The following FBLN1 variants were observed in gnomAD, a reference collection of about 807,000 sequenced individuals.
FBLN1 encodes fibulin 1.
Under a neutral mutation model 89.7 loss-of-function variants are expected in FBLN1, and 34 were observed. The ratio of observed to expected loss-of-function variants is 0.38; its 90% CI spans 0.29 to 0.50. The LOEUF is 0.50. FBLN1 is among the 20% of genes least tolerant of loss of function. FBLN1 has a pLI of 0.92. For missense variants in FBLN1, 777 were observed against 988.1 expected (o/e 0.79, Z 2.86); for synonymous variants, 393 against 391.3 (o/e 1.00, Z -0.05).
Position 45,562,895 on chromosome 22 carries a change from G to A in FBLN1, c.1698-11616G>A. 3 of 1,612,010 alleles carry A rather than the reference G, an allele frequency of 1.9e-6. No individual in the cohort carries two copies. Among genetic ancestry groups the A allele is most frequent in the Non-Finnish European group, 2.5e-6 (3 of 1,179,508 alleles). Reference sequence around the variant, plus strand: ...GCCCTAACCCTCTTCTTGTCTCTCTGCCCACTTTTCTTGCAGCCGCTGTGA... The same window carrying A: ...GCCCTAACCCTCTTCTTGTCTCTCTACCCACTTTTCTTGCAGCCGCTGTGA... On this transcript the variant is annotated intron_variant, in intron 14 of 16. Coordinates refer to ENST00000327858, the MANE Select transcript of FBLN1 (RefSeq NM_006486.3). This position sits in a 1 kb window ranked among gnomAD's most constrained non-coding sequence, Gnocchi z 7.8.
rs6006766 is a variant in FBLN1, at chr22:45,530,478, T to G, written c.485-787T>G. Among the ~76,000 whole-genome samples the G allele has an allele frequency of 0.026, 3,893 of 152,192 alleles. 153 individuals are homozygous for G. Among genetic ancestry groups the G allele is most frequent in the African/African-American group, 0.089 (3,683 of 41,496 alleles). The stretch of plus-strand genomic sequence containing the variant: ...CCAGTGCCATGGACCCACTGTATGT[T>G]TCCTGGGGGCCATGCAGAAGGTCCC... On this transcript the variant is annotated intron_variant, in intron 4 of 16. Transcript: ENST00000327858. This position sits in a 1 kb window ranked among gnomAD's most constrained non-coding sequence, Gnocchi z 5.4.
In FBLN1 at chr22:45,510,345, G is replaced by T. The variant is rs73445409; in HGVS notation, c.79+7281G>T. Among the ~76,000 whole-genome samples the T allele has an allele frequency of 2.2e-3, 338 of 152,276 alleles. 5 individuals carry two copies. The highest frequency in any genetic ancestry group is 7.6e-3 in the African/African-American group (318 of 41,570). On this transcript the variant is annotated intron_variant, in intron 1 of 16. Coordinates refer to ENST00000327858, the MANE Select transcript of FBLN1 (RefSeq NM_006486.3). Reference sequence around the variant, plus strand: ...CCAGTGGAAATTTTGCCAGAGCAATGCCCTTACACAGGGTGGGATTGGGGA... The same window carrying T: ...CCAGTGGAAATTTTGCCAGAGCAATTCCCTTACACAGGGTGGGATTGGGGA...
intron 16 of FBLN1, among the ~76,000 whole-genome samples, chr22:45,589,975 G>T (rs749109439): frequency 1.3e-5 from 2 of 152,214 alleles, no homozygotes; most frequent in Non-Finnish European, 2.9e-5. Context: ...TCCCAAAGGA[G>T]ATTTGCTTAC....
At chr22:45,511,649 G>T (rs966787720) in intron 1 of FBLN1, among the ~76,000 whole-genome samples, 4 of 152,026 alleles carry the variant, frequency 2.6e-5, no homozygotes, top group African/African-American at 9.7e-5. Context: ...GTTTTACCAT[G>T]TTGGCCAGGC....
chr22:45,577,198 C>T lies in FBLN1; in HGVS notation c.1972+90C>T. 2 of 1,456,312 alleles carry T rather than the reference C, an allele frequency of 1.4e-6. No homozygotes were observed. The highest frequency in any genetic ancestry group is 1.9e-6 in the Non-Finnish European group (2 of 1,052,136). 90.2% of individuals were successfully genotyped at this position (1,456,312 alleles called of 1,614,324 possible). A position where few individuals can be genotyped will look rare whatever the true frequency, so the allele number is the denominator to read the frequency against. ...GGCCCAGCCCAACTCCCATCTGAGT[C>T]CCCTCCCCAAATTCAAGCCCACCCA... On this transcript the variant is annotated intron_variant, in intron 16 of 16. Coordinates refer to ENST00000327858, the MANE Select transcript of FBLN1 (RefSeq NM_006486.3). The surrounding 1 kb of genome is among the most constrained non-coding windows in gnomAD (Gnocchi z 6.6).
chr22:45,584,196 G>A (rs147857750), intron 16 of FBLN1, among the ~76,000 whole-genome samples: 5 of 152,242 alleles, frequency 3.3e-5, no homozygotes, highest in South Asian at 2.1e-4. Context: ...ATGAGAAGCC[G>A]GCACAACACC....
chr22:45,531,583 A>C lies in FBLN1; in HGVS notation c.544+259A>C, dbSNP rs6006769. On this transcript the variant is annotated intron_variant, in intron 5 of 16. Transcript: ENST00000327858. The surrounding 1 kb of genome is among the most constrained non-coding windows in gnomAD (Gnocchi z 4.9). ...GAATCTCGGTGCTGATCTCACTGGA[A>C]GTTGGAATCCAGGTTTTGCTTTGGT... 0.095 allele frequency among the ~76,000 whole-genome samples: 14,515 copies of C among 152,268 alleles called. 2,311 individuals carry two copies. Among genetic ancestry groups the C allele is most frequent in the African/African-American group, 0.33 (13,660 of 41,510 alleles).
At chr22:45,585,959 C>A (rs1034044308) in intron 16 of FBLN1, among the ~76,000 whole-genome samples, 1 of 152,202 alleles carries the variant, frequency 6.6e-6, no homozygotes, top group Non-Finnish European at 1.5e-5. Flanking sequence ...AAGTCACCCC[C>A]GTCACAAAGC....
rs561856646 is a variant in FBLN1 at position 45,542,975 on chromosome 22, T to C, written c.1196-426T>C. The stretch of plus-strand genomic sequence containing the variant: ...CACTTTGCATTCCTTGTCTGAGAAA[T>C]GAGGCTGGAGGCCAGGCGCGATGGC... On this transcript the variant is annotated intron_variant, in intron 10 of 16. Transcript: ENST00000327858. Among the ~76,000 whole-genome samples, 28 of 152,268 alleles carry C rather than the reference T, an allele frequency of 1.8e-4. 1 individual carries two copies. The South Asian group carries it at 5.4e-3, about 29-fold the overall frequency.
Position 45,549,644 on chromosome 22 carries a change from C to A in FBLN1, c.1574-848C>A, listed in dbSNP as rs1272009760. ...CGCCCAGACTCAGCATAAACACATT[C>A]CTGAGCCGGGCCTTTGAGGCTGGGG... On this transcript the variant is annotated intron_variant, in intron 13 of 16. Transcript: ENST00000327858. This position sits in a 1 kb window ranked among gnomAD's most constrained non-coding sequence, Gnocchi z 5.7. Among the ~76,000 whole-genome samples the A allele has an allele frequency of 6.6e-6, 1 of 152,194 alleles. No homozygotes were observed. Among genetic ancestry groups the A allele is most frequent in the African/African-American group, 2.4e-5 (1 of 41,446 alleles).
rs557497014 is a variant in FBLN1, at chr22:45,549,881, C to T, written c.1574-611C>T. On this transcript the variant is annotated intron_variant, in intron 13 of 16. Transcript: ENST00000327858. This position sits in a 1 kb window ranked among gnomAD's most constrained non-coding sequence, Gnocchi z 5.7. The stretch of plus-strand genomic sequence containing the variant: ...GTGGTTCCAGTCCACCCTGAACAGC[C>T]ACCAACCCCAACACACAGGCAAGAC... Among the ~76,000 whole-genome samples the T allele has an allele frequency of 3.6e-4, 55 of 152,302 alleles. 1 individual carries two copies. Among genetic ancestry groups the T allele is most frequent in the African/African-American group, 1.3e-3 (55 of 41,584 alleles).
At chr22:45,538,288 C>A (rs2088508994) in intron 8 of FBLN1, among the ~76,000 whole-genome samples, 1 of 152,222 alleles carries the variant, frequency 6.6e-6, no homozygotes, top group Admixed American at 6.5e-5. Flanking sequence ...GCTCAGGAAT[C>A]ATTGTTTTAA....
intron 14 of FBLN1, among the ~76,000 whole-genome samples, chr22:45,568,988 C>G (rs1162925319): frequency 6.6e-6 from 1 of 152,316 alleles, no homozygotes; most frequent in Admixed American, 6.5e-5. Flanking sequence ...TTTGTCGTCA[C>G]ATAGCCCTCT....
chr22:45,567,499 T>G (rs2088909637), intron 14 of FBLN1, among the ~76,000 whole-genome samples: 1 of 152,088 alleles, frequency 6.6e-6, no homozygotes, highest in African/African-American at 2.4e-5. Context: ...ACCTGTAATC[T>G]CAGCTGCTCA....
chr22:45,594,280 G>A (rs1653541927), intron 16 of FBLN1, among the ~76,000 whole-genome samples: 1 of 151,876 alleles, frequency 6.6e-6, no homozygotes, highest in Admixed American at 6.6e-5. Flanking sequence ...TGATGGGGAG[G>A]CAGCCAGGAA....
intron 16 of FBLN1, among the ~76,000 whole-genome samples, chr22:45,582,963 T>C (rs1176481056): frequency 6.6e-6 from 1 of 152,176 alleles, no homozygotes; most frequent in Admixed American, 6.5e-5. Context: ...GGGACAGTAT[T>C]TGGAGACTTC....
chr22:45,576,929 G>A lies in FBLN1; in HGVS notation c.1841-48G>A. 1 of 1,610,406 alleles carries A rather than the reference G, an allele frequency of 6.2e-7. No individual in the cohort carries two copies. The highest frequency in any genetic ancestry group is 1.1e-5 in the South Asian group (1 of 91,028). On this transcript the variant is annotated intron_variant, in intron 15 of 16. Coordinates refer to ENST00000327858, the MANE Select transcript of FBLN1 (RefSeq NM_006486.3). This position sits in a 1 kb window ranked among gnomAD's most constrained non-coding sequence, Gnocchi z 5.2. ...TCCTGGGGACGAGGCTGGGACTGGG[G>A]CTGGGGCCAGGCTGTGCTGAGCCCT...
chr22:45,533,125 G>A lies in FBLN1; in HGVS notation c.607G>A (p.Val203Met), dbSNP rs371010888. The A allele has an allele frequency of 6.2e-6, 10 of 1,614,072 alleles. No homozygotes were observed. Among genetic ancestry groups the A allele is most frequent in the African/African-American group, 4.0e-5 (3 of 74,932 alleles). ...TGACGAGGTGGTCTGCTCCTGCTTC[G>A]TGGGCTACCAGCTGCTGTCTGATGG... Reference protein sequence around the residue: ...TGDEVVCSCFVGYQLLSDGVS... With the variant: ...TGDEVVCSCFMGYQLLSDGVS... Residue 203 changes from valine (V) to methionine (M), a missense_variant, in exon 6 of 17, where the codon GTG (valine) becomes ATG (methionine). By Grantham distance (21) the Val-to-Met change is conservative. Coordinates refer to ENST00000327858, the MANE Select transcript of FBLN1 (RefSeq NM_006486.3).
intron 6 of FBLN1, 22 bp from the exon 7 acceptor site, chr22:45,533,739 G>T: frequency 6.2e-7 from 1 of 1,608,112 alleles, no homozygotes; most frequent in Non-Finnish European, 8.5e-7. Flanking sequence ...GGTCACCCCC[G>T]CACTGCCTCG....
Sources: allele counts gnomAD v4.1 joint callset (sites outside exome capture counted in the v4.1 genomes callset), GRCh38; gene constraint gnomAD v4.1.1; non-coding constraint Gnocchi (gnomAD v3.1); transcripts MANE v1.5; gene names NCBI Gene and HGNC (gene_info 2026-07-23, HGNC 2026-07-21).